Variants in ZMAT4 observed in about 807,000 individuals in gnomAD.
ZMAT4 encodes the protein zinc finger matrin-type protein 4.
Under a neutral mutation model 28.7 loss-of-function variants are expected in ZMAT4, and 17 were observed. The ratio of observed to expected loss-of-function variants is 0.59; its 90% confidence interval spans 0.41 to 0.89. The LOEUF (loss-of-function observed/expected upper bound fraction) is 0.89. Ranked by LOEUF, ZMAT4 falls within the 40% of genes least tolerant of loss-of-function variation. ZMAT4 has a pLI of 0.00. For missense variants in ZMAT4, 240 were observed against 283.8 expected (o/e 0.85, Z 1.11); for synonymous variants, 117 against 109.2 (o/e 1.07, Z -0.44).
In ZMAT4 at chr8:40,674,807, C is replaced by G; in HGVS notation, c.474G>C (p.Leu158=). 6.2e-7 allele frequency: 1 copy of G among 1,613,962 alleles called. No homozygotes were observed. The highest frequency in any genetic ancestry group is 8.5e-7 in the Non-Finnish European group (1 of 1,179,932). Residue 158 remains leucine (L), a synonymous_variant, in exon 5 of 7, where the codon CTG becomes CTC. Transcript: ENST00000297737. ...GLCAAWFNNP[L]MAQQHYDGKK... is the part of the protein sequence containing the mutation. ...TGCCATCATAATGTTGCTGGGCCAT[C>G]AGAGGGTTATTAAACCAGGCTGCAC...
chr8:40,631,283 G>T (rs1454862713), intron 5 of ZMAT4, among the ~76,000 whole-genome samples: 1 of 152,062 alleles, frequency 6.6e-6, no homozygotes, highest in South Asian at 2.1e-4. Flanking sequence ...TCAGCCTCCC[G>T]AGTAGTTGGG....
At chr8:40,532,360 A>G in intron 6 of ZMAT4, 122 bp from the exon 7 acceptor site, 5 of 690,578 alleles carry the variant, frequency 7.2e-6, no homozygotes, top group South Asian at 3.6e-5. Flanking sequence ...ATCAAATTCA[A>G]ATGCATCTGA....
At chr8:40,879,771 T>C (rs1461096009) in intron 1 of ZMAT4, among the ~76,000 whole-genome samples, 1 of 152,236 alleles carries the variant, frequency 6.6e-6, no homozygotes, top group African/African-American at 2.4e-5. Flanking sequence ...CATTTTGGCG[T>C]ATTTTATTTA....
intron 1 of ZMAT4, among the ~76,000 whole-genome samples, chr8:40,865,712 A>G (rs1390763252): frequency 6.6e-6 from 1 of 152,202 alleles, no homozygotes; most frequent in East Asian, 1.9e-4. Context: ...GCAATCACAC[A>G]GCCTCAGTTT....
chr8:40,674,378 T>A (rs1808819545), intron 5 of ZMAT4: 1 of 218,028 alleles, frequency 4.6e-6, no homozygotes, highest in African/African-American at 2.3e-5. Context: ...TTTTCTTTTT[T>A]AAACACTGCT....
intron 5 of ZMAT4, among the ~76,000 whole-genome samples, chr8:40,658,973 A>C (rs1359225449): frequency 6.6e-6 from 1 of 152,174 alleles, no homozygotes; most frequent in Non-Finnish European, 1.5e-5. Context: ...TACAAATATT[A>C]TCAGTAGAAG....
At chr8:40,881,534 G>A (rs1479087382) in intron 1 of ZMAT4, among the ~76,000 whole-genome samples, 1 of 27,094 alleles carries the variant, frequency 3.7e-5, no homozygotes, top group Non-Finnish European at 7.0e-5. Context: ...GAGACAGAAA[G>A]AAAGAAAGAA....
chr8:40,858,324 T>C (rs1359396501), intron 1 of ZMAT4, among the ~76,000 whole-genome samples: 3 of 152,144 alleles, frequency 2.0e-5, no homozygotes, highest in Middle Eastern at 3.2e-3. Flanking sequence ...TTTTGCAACA[T>C]TGTTTTTGTC....
At chr8:40,841,185 G>A (rs995904184) in intron 1 of ZMAT4, among the ~76,000 whole-genome samples, 2 of 152,172 alleles carry the variant, frequency 1.3e-5, no homozygotes, top group Non-Finnish European at 2.9e-5. Flanking sequence ...AGTGTTTTGC[G>A]GTGAACTCTC....
chr8:40,859,101 G>T (rs754412485), intron 1 of ZMAT4, among the ~76,000 whole-genome samples: 1 of 152,202 alleles, frequency 6.6e-6, no homozygotes, highest in Non-Finnish European at 1.5e-5. Flanking sequence ...GCTGGCGCCT[G>T]CCTTTCCGGT....
chr8:40,761,691 A>G (rs1023167590), intron 3 of ZMAT4, among the ~76,000 whole-genome samples: 1 of 152,168 alleles, frequency 6.6e-6, no homozygotes, highest in Admixed American at 6.5e-5. Context: ...TACTCTGTAC[A>G]TAGTAGAAGC....
At chr8:40,629,581 G>A (rs1806499155) in intron 5 of ZMAT4, among the ~76,000 whole-genome samples, 2 of 124,164 alleles carry the variant, frequency 1.6e-5, no homozygotes, top group South Asian at 5.1e-4. Context: ...AACAGGCCCC[G>A]GTGTGTGATG....
intron 1 of ZMAT4, among the ~76,000 whole-genome samples, chr8:40,851,563 C>T (rs1007944367): frequency 6.6e-6 from 1 of 152,166 alleles, no homozygotes; most frequent in Non-Finnish European, 1.5e-5. Flanking sequence ...TTTATAAATA[C>T]TCTTTGAACT....
chr8:40,608,926 C>G (rs1291986988), intron 5 of ZMAT4, among the ~76,000 whole-genome samples: 1 of 152,162 alleles, frequency 6.6e-6, no homozygotes, highest in Non-Finnish European at 1.5e-5. Flanking sequence ...AGTTTTACAG[C>G]TGTCTCACAG....
At chr8:40,691,471 C>T (rs1309331657) in intron 4 of ZMAT4, among the ~76,000 whole-genome samples, 1 of 151,636 alleles carries the variant, frequency 6.6e-6, no homozygotes, top group Admixed American at 6.6e-5. Context: ...GGCAGAATGT[C>T]ACCGTGTTCA....
chr8:40,537,303 AT>A (rs1426725939), intron 6 of ZMAT4, among the ~76,000 whole-genome samples: 2 of 152,214 alleles, frequency 1.3e-5, no homozygotes, highest in Non-Finnish European at 2.9e-5. Context: ...GAACATAACA[AT>A]TTATCCAAAA....
chr8:40,892,401 G>C (rs545907748), intron 1 of ZMAT4, among the ~76,000 whole-genome samples: 1 of 152,270 alleles, frequency 6.6e-6, no homozygotes, highest in Non-Finnish European at 1.5e-5. Flanking sequence ...GGATGGGTCA[G>C]CAGCCCCTCC....
chr8:40,651,124 A>G, intron 5 of ZMAT4, among the ~76,000 whole-genome samples: 1 of 152,096 alleles, frequency 6.6e-6, no homozygotes, highest in East Asian at 1.9e-4. Flanking sequence ...TTAGGAAAAG[A>G]GGAAGTCAAA....
At chr8:40,727,499 C>T (rs1017172414) in intron 3 of ZMAT4, among the ~76,000 whole-genome samples, 25 of 152,200 alleles carry the variant, frequency 1.6e-4, no homozygotes, top group African/African-American at 5.1e-4. Flanking sequence ...GTATTTCTCC[C>T]GTGAAGCTTA....
Sources: gnomAD v4.1 joint callset for allele counts (sites outside exome capture counted in the v4.1 genomes callset) on GRCh38, gnomAD v4.1.1 for gene constraint, MANE v1.5 for transcripts, NCBI Gene and HGNC (gene_info 2026-07-23, HGNC 2026-07-21) for gene names.